MALRD1: variants seen among roughly 807,000 people sequenced by gnomAD.
MALRD1 encodes MAM and LDL-receptor class A domain-containing protein 1.
MALRD1 carries 247 observed loss-of-function variants against 242.1 expected under a neutral mutation model. The observed-to-expected ratio is 1.02, with a 90% CI of 0.92 to 1.13. The LOEUF is 1.13. Among genes scored for constraint, MALRD1 ranks in the 50% most tolerant of loss-of-function variants. MALRD1 has a pLI of 0.00. For missense variants in MALRD1, 2,989 were observed against 2,533.1 expected, an observed-to-expected ratio of 1.18 and a Z score of -3.86; for synonymous variants, 995 against 866.6, an observed-to-expected ratio of 1.15 and a Z score of -2.60.
At chr10:19,254,114 A>C (rs1839408770) in intron 18 of MALRD1, among the ~76,000 whole-genome samples, 1 of 152,002 alleles carries the variant, frequency 6.6e-6, no homozygotes, top group South Asian at 2.1e-4. Context: ...TTTCTTTGCA[A>C]ATTACCCAGT....
chr10:19,466,842 A>G (rs1309526069), intron 29 of MALRD1, among the ~76,000 whole-genome samples: 1 of 152,144 alleles, frequency 6.6e-6, no homozygotes, highest in East Asian at 1.9e-4. Flanking sequence ...ACAATATTTT[A>G]AATAATATAT....
intron 36 of MALRD1, among the ~76,000 whole-genome samples, chr10:19,640,661 T>C (rs1033370317): frequency 2.0e-5 from 3 of 152,168 alleles, no homozygotes; most frequent in African/African-American, 7.2e-5. Flanking sequence ...TCCAACAGCA[T>C]CTAATTCTAA....
At chr10:19,461,820 G>A (rs921724425) in intron 29 of MALRD1, among the ~76,000 whole-genome samples, 1 of 152,100 alleles carries the variant, frequency 6.6e-6, no homozygotes, top group Non-Finnish European at 1.5e-5. Context: ...CCCCAACCTG[G>A]GTGACAGAAA....
At chr10:19,275,669 AAAAAAT>A (rs1336914788) in intron 19 of MALRD1, among the ~76,000 whole-genome samples, 4 of 152,132 alleles carry the variant, frequency 2.6e-5, no homozygotes, top group East Asian at 1.9e-4. Flanking sequence ...ACTCTGTCTC[AAAAAAT>A]AAAAATAAAA....
rs1834340243 is a variant in MALRD1, at chr10:19,530,423, A to AATAT, written c.5321-771_5321-770insATAT. ...ATATTATATATTTATATAATAATAAATATATAATATATATAATATATAATA... is the reference window on the plus strand; with the variant it reads ...ATATTATATATTTATATAATAATAAAATATTATATAATATATATAATATATAATA... On this transcript the variant is annotated intron_variant, in intron 31 of 39. Coordinates refer to ENST00000454679, the MANE Select transcript of MALRD1 (RefSeq NM_001142308.3). Among the ~76,000 whole-genome samples the AATAT allele has an allele frequency of 7.7e-5, 6 of 77,840 alleles. 1 individual carries two copies. In the East Asian group the frequency reaches 1.5e-3, roughly 20 times the overall value. The allele number at this position is 77,840 out of a possible 152,430, so 51.1% of individuals were successfully genotyped here. A position where few individuals can be genotyped will look rare whatever the true frequency, so the allele number is the denominator to read the frequency against.
chr10:19,134,155 T>C (rs951758984), intron 9 of MALRD1, among the ~76,000 whole-genome samples: 1 of 152,156 alleles, frequency 6.6e-6, no homozygotes, highest in African/African-American at 2.4e-5. Flanking sequence ...ATTGAGTGTC[T>C]CCACTCTCGT....
At chr10:19,300,349 G>A (rs1374481501) in intron 21 of MALRD1, among the ~76,000 whole-genome samples, 1 of 151,812 alleles carries the variant, frequency 6.6e-6, no homozygotes, top group Non-Finnish European at 1.5e-5. Flanking sequence ...ATTTTTCACA[G>A]AATTCAAAAA....
Position 19,122,725 on chromosome 10 carries a change from C to G in MALRD1, c.695-767C>G, listed in dbSNP as rs74349445. 5.5e-3 allele frequency among the ~76,000 whole-genome samples: 842 copies of G among 152,110 alleles called. 10 individuals are homozygous for G. The highest frequency in any genetic ancestry group is 9.3e-3 in the Non-Finnish European group (635 of 67,960). ...GCTTGGGGAAAAGAAAACAAAAACA[C>G]AGGCACAATTTTTTTTTTGAGATGG... On this transcript the variant is annotated intron_variant, in intron 5 of 39. Transcript: ENST00000454679.
intron 36 of MALRD1, among the ~76,000 whole-genome samples, chr10:19,673,912 CGTGT>C (rs1842034077): frequency 6.6e-6 from 1 of 151,338 alleles, no homozygotes; most frequent in South Asian, 2.1e-4. Context: ...AATTTATATG[CGTGT>C]GCATGTATGT....
At chr10:19,732,542 C>T (rs974742539) in intron 39 of MALRD1, among the ~76,000 whole-genome samples, 11 of 152,176 alleles carry the variant, frequency 7.2e-5, no homozygotes, top group Non-Finnish European at 7.3e-5. Flanking sequence ...GCATTACAGG[C>T]GTGAGCCACT....
At chr10:19,051,298 A>C (rs1834486676) in intron 1 of MALRD1, among the ~76,000 whole-genome samples, 6 of 152,018 alleles carry the variant, frequency 3.9e-5, no homozygotes. Flanking sequence ...CATTAAAAAA[A>C]AAAGTCCCCT....
intron 28 of MALRD1, among the ~76,000 whole-genome samples, chr10:19,415,274 C>A (rs2130898200): frequency 6.6e-6 from 1 of 152,160 alleles, no homozygotes; most frequent in Non-Finnish European, 1.5e-5. Flanking sequence ...TGGGCGTTGA[C>A]CATACCTTAT....
At position 19,048,924 on chromosome 10, in the gene MALRD1, A is replaced by G. The variant is rs1834407029; in HGVS notation, c.-15A>G. 4.1e-6 allele frequency: 5 copies of G among 1,232,754 alleles called. No homozygotes were observed. The highest frequency in any genetic ancestry group is 8.4e-5 in the Admixed American group (2 of 23,732). The allele number at this position is 1,232,754 out of a possible 1,614,324, so 76.4% of individuals were successfully genotyped here. On this transcript the variant is annotated 5_prime_UTR_variant, in exon 1 of 40. The change creates a new upstream start codon in the 5' untranslated region. Transcript: ENST00000454679. ...TTATTACAACTGCTTGATCTCTAAT[A>G]GACAATACCAAGTAATGCTCTTCTT...
intron 12 of MALRD1, among the ~76,000 whole-genome samples, chr10:19,159,170 A>G: frequency 6.6e-6 from 1 of 152,166 alleles, no homozygotes; most frequent in Non-Finnish European, 1.5e-5. Context: ...AATGCCCAGG[A>G]AAAAGCATAA....
intron 26 of MALRD1, among the ~76,000 whole-genome samples, chr10:19,385,723 ATTAT>A (rs979808187): frequency 6.6e-6 from 1 of 151,878 alleles, no homozygotes; most frequent in African/African-American, 2.4e-5. Context: ...TATTCTCTAT[ATTAT>A]TTATTTATGT....
chr10:19,434,686 A>G (rs1417780981), intron 28 of MALRD1, among the ~76,000 whole-genome samples: 1 of 152,012 alleles, frequency 6.6e-6, no homozygotes, highest in African/African-American at 2.4e-5. Flanking sequence ...GGATTTTAAT[A>G]CCAGAAAACC....
intron 18 of MALRD1, among the ~76,000 whole-genome samples, chr10:19,226,709 C>G (rs1232842090): frequency 6.6e-6 from 1 of 151,934 alleles, no homozygotes; most frequent in African/African-American, 2.4e-5. Flanking sequence ...AAATAAGTGA[C>G]ACCCAAGTTG....
At chr10:19,264,351 T>A (rs1588807829) in intron 19 of MALRD1, among the ~76,000 whole-genome samples, 1 of 152,118 alleles carries the variant, frequency 6.6e-6, no homozygotes, top group East Asian at 1.9e-4. Flanking sequence ...TTGTTGAGGA[T>A]TTGCATCTAT....
chr10:19,244,914 C>A (rs925254974), intron 18 of MALRD1, among the ~76,000 whole-genome samples: 1 of 152,168 alleles, frequency 6.6e-6, no homozygotes, highest in African/African-American at 2.4e-5. Flanking sequence ...CTTCTCTGCA[C>A]CTCCCGTAGG....
Sources: allele counts gnomAD v4.1 joint callset (sites outside exome capture counted in the v4.1 genomes callset), GRCh38; gene constraint gnomAD v4.1.1; transcripts MANE v1.5; gene names NCBI Gene and HGNC (gene_info 2026-07-23, HGNC 2026-07-21).